Variants in GLIS3 observed in about 807,000 individuals in gnomAD.
GLIS3 encodes GLIS family zinc finger 3, also known as zinc finger protein GLIS3.
In GLIS3, 53 loss-of-function variants were observed where a neutral mutation model predicts 78.6. That is an observed-to-expected ratio of 0.67 (90% CI 0.54 to 0.85). GLIS3 has a LOEUF of 0.85. Ranked by LOEUF, GLIS3 falls within the 40% of genes least tolerant of loss-of-function variation. The probability of loss-of-function intolerance (pLI) is 0.00; values close to 1 mark genes in which losing one functional copy is unlikely to be tolerated. For missense variants in GLIS3, 1,703 were observed against 1,231.1 expected, an observed-to-expected ratio of 1.38 and a Z score of -5.74; for synonymous variants, 684 against 509.9, an observed-to-expected ratio of 1.34 and a Z score of -4.60.
At chr9:4,326,856 G>C (rs1817608619) in intron 2 of GLIS3, among the ~76,000 whole-genome samples, 1 of 152,194 alleles carries the variant, frequency 6.6e-6, no homozygotes, top group Non-Finnish European at 1.5e-5. Flanking sequence ...ACTGGCATAA[G>C]CGTGGAGCAT....
Position 4,305,853 on chromosome 9 carries a change from C to G in GLIS3, n.584+2924G>C, listed in dbSNP as rs958227279. On this transcript the variant is annotated intron_variant and non_coding_transcript_variant, in intron 4 of 4. Transcript: ENST00000471664. The stretch of plus-strand genomic sequence containing the variant: ...GTGGAGAAGATTACAGAGAATAGCC[C>G]TGATGGAACCACACCTGATTTCTAC... 2.0e-5 allele frequency: 3 copies of G among 152,282 alleles called. No individual in the cohort carries two copies. In the East Asian group the frequency reaches 5.8e-4, roughly 29 times the overall value. The allele number at this position is 152,282 out of a possible 1,614,324, so 9.4% of individuals were successfully genotyped here. A position where few individuals can be genotyped will look rare whatever the true frequency, so the allele number is the denominator to read the frequency against.
chr9:4,211,963 A>G (rs1820416703), intron 2 of GLIS3, among the ~76,000 whole-genome samples: 1 of 152,258 alleles, frequency 6.6e-6, no homozygotes. Context: ...AAATGCCCAG[A>G]AAAGGCAAAT....
intron 4 of GLIS3, among the ~76,000 whole-genome samples, chr9:4,026,155 C>A (rs1241879170): frequency 1.3e-5 from 2 of 152,122 alleles, no homozygotes; most frequent in Non-Finnish European, 2.9e-5. Context: ...TATAAATGCA[C>A]AGGTATTCAA....
intron 4 of GLIS3, among the ~76,000 whole-genome samples, chr9:4,078,385 G>A (rs1289889863): frequency 7.9e-6 from 1 of 127,252 alleles, no homozygotes; most frequent in Admixed American, 7.6e-5. Flanking sequence ...GGGTTCAGCA[G>A]GGGTTTGTCT....
chr9:4,069,934 G>T (rs748976167), intron 4 of GLIS3, among the ~76,000 whole-genome samples: 2 of 151,954 alleles, frequency 1.3e-5, no homozygotes, highest in Non-Finnish European at 2.9e-5. Context: ...ATAAGCTTTG[G>T]ACATTCTCCA....
Position 3,987,123 on chromosome 9 carries a change from T to C in GLIS3, c.1711-49934A>G, listed in dbSNP as rs1052580011. 3.3e-5 allele frequency among the ~76,000 whole-genome samples: 5 copies of C among 151,806 alleles called. No homozygotes were observed. In the East Asian group the frequency reaches 7.7e-4, roughly 23 times the overall value. On this transcript the variant is annotated intron_variant, in intron 4 of 10. Transcript: ENST00000381971. Reference sequence around the variant, plus strand: ...AAATTAGAAAATTCCAGAAAAGAAATGGAAGCTACAAAAAATGAAAAGCGT... The same window carrying C: ...AAATTAGAAAATTCCAGAAAAGAAACGGAAGCTACAAAAAATGAAAAGCGT...
intron 6 of GLIS3, among the ~76,000 whole-genome samples, chr9:3,929,425 G>T (rs953670196): frequency 1.2e-4 from 19 of 152,108 alleles, no homozygotes; most frequent in African/African-American, 4.3e-4. Flanking sequence ...AGTAGGATCC[G>T]ACAGGTGTGG....
Position 3,860,170 on chromosome 9 carries a change from G to A in GLIS3, c.2298-3986C>T, listed in dbSNP as rs548371680. On this transcript the variant is annotated intron_variant, in intron 8 of 10. Transcript: ENST00000381971. ...GGTGCCTGTAGTCACAGCTACTCAGGAGGCTGAGGCAGGAGAATGGCGTGA... is the reference window on the plus strand; with the variant it reads ...GGTGCCTGTAGTCACAGCTACTCAGAAGGCTGAGGCAGGAGAATGGCGTGA... Among the ~76,000 whole-genome samples, 29 of 149,792 alleles carry A rather than the reference G, an allele frequency of 1.9e-4. 1 individual carries two copies. The highest frequency in any genetic ancestry group is 3.2e-4 in the Non-Finnish European group (22 of 67,716).
chr9:4,473,996 T>C, the GLIS3 span, among the ~76,000 whole-genome samples: 1 of 146,094 alleles, frequency 6.8e-6, no homozygotes, highest in African/African-American at 2.4e-5. Context: ...ATGAACCTGG[T>C]ATATTGTAAA....
At chr9:4,140,404 T>C (rs1408014209) in intron 2 of GLIS3, among the ~76,000 whole-genome samples, 2 of 152,122 alleles carry the variant, frequency 1.3e-5, no homozygotes, top group African/African-American at 4.8e-5. Context: ...CCCATTACTG[T>C]CCAAAAAGAC....
At chr9:3,971,459 A>C (rs1439002879) in intron 4 of GLIS3, among the ~76,000 whole-genome samples, 1 of 152,186 alleles carries the variant, frequency 6.6e-6, no homozygotes, top group East Asian at 1.9e-4. Flanking sequence ...GAAATGAGAA[A>C]ATTCTAAATA....
chr9:4,172,898 C>T (rs572224802), intron 2 of GLIS3, among the ~76,000 whole-genome samples: 225 of 152,278 alleles, frequency 1.5e-3, no homozygotes, highest in African/African-American at 5.3e-3. Context: ...AAAGATCAGG[C>T]TATCATGTAG....
At chr9:4,194,923 A>G (rs896997675) in intron 2 of GLIS3, among the ~76,000 whole-genome samples, 2 of 152,202 alleles carry the variant, frequency 1.3e-5, no homozygotes, top group African/African-American at 2.4e-5. Flanking sequence ...TTTTAATCCA[A>G]CTGCGTACAA....
the GLIS3 span, among the ~76,000 whole-genome samples, chr9:4,438,993 C>G: frequency 2.0e-5 from 3 of 152,176 alleles, no homozygotes; most frequent in African/African-American, 7.2e-5. Flanking sequence ...GTTTGACCAA[C>G]TTTTAAGAAT....
intron 4 of GLIS3, among the ~76,000 whole-genome samples, chr9:3,986,577 C>T (rs1003723148): frequency 6.6e-6 from 1 of 152,216 alleles, no homozygotes; most frequent in African/African-American, 2.4e-5. Flanking sequence ...CAGGACTGGG[C>T]TCCTAATTAA....
intron 4 of GLIS3, among the ~76,000 whole-genome samples, chr9:4,013,335 T>A (rs1436737704): frequency 6.6e-6 from 1 of 152,160 alleles, no homozygotes; most frequent in Non-Finnish European, 1.5e-5. Flanking sequence ...CTTCCTTGTA[T>A]ATTTTCTTTT....
chr9:3,944,795 T>TA (rs1816180381), intron 4 of GLIS3, among the ~76,000 whole-genome samples: 1 of 152,202 alleles, frequency 6.6e-6, no homozygotes, highest in Non-Finnish European at 1.5e-5. Context: ...GGGTAATTTA[T>TA]AAAAAATAGA....
intron 2 of GLIS3, among the ~76,000 whole-genome samples, chr9:4,165,913 T>C (rs1372950549): frequency 6.6e-6 from 1 of 152,170 alleles, no homozygotes; most frequent in Non-Finnish European, 1.5e-5. Context: ...AAAAGGAATC[T>C]GCAAACAAGG....
At chr9:3,841,442 C>G (rs1473194897) in intron 9 of GLIS3, among the ~76,000 whole-genome samples, 2 of 152,148 alleles carry the variant, frequency 1.3e-5, no homozygotes, top group Non-Finnish European at 2.9e-5. Flanking sequence ...AGCCTATGAT[C>G]CCTATTTATA....
Sources: gnomAD v4.1 joint callset for allele counts (sites outside exome capture counted in the v4.1 genomes callset) on GRCh38, gnomAD v4.1.1 for gene constraint, MANE v1.5 for transcripts, NCBI Gene and HGNC (gene_info 2026-07-23, HGNC 2026-07-21) for gene names.